The following IDO2 variants were observed in gnomAD, a reference collection of about 807,000 sequenced individuals.
IDO2 encodes indoleamine 2,3-dioxygenase 2.
A neutral mutation model predicts 45.1 loss-of-function variants in IDO2; 46 were observed. The observed-to-expected ratio is 1.02, with a 90% CI of 0.80 to 1.30. The LOEUF is 1.30. Among genes scored for constraint, IDO2 ranks in the 50% most tolerant of loss-of-function variants. IDO2 has a pLI of 0.00. For synonymous variants in IDO2, 218 were observed against 184.9 expected, an observed-to-expected ratio of 1.18 and a Z score of -1.45; for missense variants, 544 against 491.8, an observed-to-expected ratio of 1.11 and a Z score of -1.00.
At chr8:39,954,156 G>C (rs1245212099) in intron 2 of IDO2, among the ~76,000 whole-genome samples, 2 of 152,208 alleles carry the variant, frequency 1.3e-5, no homozygotes, top group African/African-American at 2.4e-5. Context: ...AAAAAGACCA[G>C]TGTAAAAACT....
At chr8:39,975,506 G>A (rs1808246234) in intron 3 of IDO2, among the ~76,000 whole-genome samples, 4 of 152,176 alleles carry the variant, frequency 2.6e-5, no homozygotes, top group African/African-American at 9.7e-5. Context: ...GAAGACACAA[G>A]TTCCCAATAT....
intron 3 of IDO2, among the ~76,000 whole-genome samples, chr8:39,974,785 G>A (rs1808234406): frequency 6.6e-6 from 1 of 152,204 alleles, no homozygotes; most frequent in African/African-American, 2.4e-5. Context: ...GCTGGGCGTG[G>A]TGGCACGCAC....
chr8:39,979,696 T>C (rs1808313407), intron 4 of IDO2, among the ~76,000 whole-genome samples: 1 of 152,218 alleles, frequency 6.6e-6, no homozygotes, highest in Admixed American at 6.5e-5. Context: ...TTAATTTTTC[T>C]GACTAAGAGC....
chr8:39,969,646 G>C (rs1276768185), intron 3 of IDO2, among the ~76,000 whole-genome samples: 1 of 152,198 alleles, frequency 6.6e-6, no homozygotes, highest in Admixed American at 6.5e-5. Flanking sequence ...AAGCCAAGGC[G>C]GGGAGATCAC....
intron 2 of IDO2, among the ~76,000 whole-genome samples, chr8:39,951,434 A>G (rs1422533916): frequency 2.0e-5 from 3 of 152,126 alleles, no homozygotes; most frequent in Admixed American, 6.5e-5. Flanking sequence ...GACGCCTGAC[A>G]TGCAAGACTC....
intron 2 of IDO2, among the ~76,000 whole-genome samples, chr8:39,960,643 A>T (rs1191888580): frequency 2.0e-5 from 3 of 152,240 alleles, no homozygotes; most frequent in African/African-American, 7.2e-5. Context: ...ATGTACATAG[A>T]TAAACTAATA....
chr8:40,006,146 C>T (rs1802216352), intron 9 of IDO2, among the ~76,000 whole-genome samples: 1 of 152,082 alleles, frequency 6.6e-6, no homozygotes. Context: ...ATGGGTAGTC[C>T]CCAACTCAAT....
chr8:40,015,717 T>A, exon 11 of IDO2: 1 of 754,112 alleles, frequency 1.3e-6, no homozygotes. Flanking sequence ...CCTATTCATG[T>A]TTCTGCTCTA....
chr8:39,970,373 ATTTT>A (rs1338536383), intron 3 of IDO2, among the ~76,000 whole-genome samples: 2 of 152,168 alleles, frequency 1.3e-5, no homozygotes, highest in African/African-American at 4.8e-5. Flanking sequence ...GGCTACATTT[ATTTT>A]TTATTTTTGT....
At chr8:40,006,424 T>A (rs1802221856) in intron 9 of IDO2, among the ~76,000 whole-genome samples, 1 of 152,158 alleles carries the variant, frequency 6.6e-6, no homozygotes, top group Admixed American at 6.6e-5. Context: ...ATTAAATGCA[T>A]TTTTTGTCTT....
In IDO2 at chr8:39,947,038, C is replaced by T. The variant is rs145544404; in HGVS notation, c.-17-2111C>T. Among the ~76,000 whole-genome samples, 1,324 of 151,988 alleles carry T rather than the reference C, an allele frequency of 8.7e-3. 3 individuals carry two copies. Among genetic ancestry groups the T allele is most frequent in the Non-Finnish European group, 0.012 (848 of 67,968 alleles). ...TGGCGTGGTGGTGGGTGCCTACAAT[C>T]CCAATTACTTGGGAGACTGAGGCAG... is the stretch of plus-strand genomic sequence containing the variant. On this transcript the variant is annotated intron_variant, in intron 1 of 10. Coordinates refer to ENST00000502986, the Ensembl canonical transcript of IDO2.
chr8:39,935,568 GC>G (rs1352573837), intron 1 of IDO2, among the ~76,000 whole-genome samples: 1 of 152,006 alleles, frequency 6.6e-6, no homozygotes, highest in Non-Finnish European at 1.5e-5. Context: ...TTCTGCCACA[GC>G]CTTCCAAGTA....
At chr8:39,977,666 G>C (rs561472347) in intron 3 of IDO2, among the ~76,000 whole-genome samples, 1 of 152,346 alleles carries the variant, frequency 6.6e-6, no homozygotes, top group African/African-American at 2.4e-5. Flanking sequence ...GGGTAACAGA[G>C]CAAGATCCTG....
At chr8:39,993,493 T>C (rs1801981757) in intron 8 of IDO2, among the ~76,000 whole-genome samples, 1 of 152,204 alleles carries the variant, frequency 6.6e-6, no homozygotes, top group Non-Finnish European at 1.5e-5. Context: ...AAATCAGGTT[T>C]CTTTTTGAGT....
At chr8:39,965,633 C>T (rs1361194775) in intron 3 of IDO2, among the ~76,000 whole-genome samples, 8 of 151,982 alleles carry the variant, frequency 5.3e-5, no homozygotes, top group Admixed American at 1.3e-4. Flanking sequence ...CAGATGTATT[C>T]GAGTTAAGCT....
rs527478089 is a variant in IDO2, at chr8:39,958,435, C to T, written c.100-5173C>T. Among the ~76,000 whole-genome samples the T allele has an allele frequency of 4.1e-4, 62 of 151,208 alleles. 1 individual carries two copies. The highest frequency in any genetic ancestry group is 1.4e-3 in the African/African-American group (58 of 41,144). On this transcript the variant is annotated intron_variant, in intron 2 of 10. Coordinates refer to ENST00000502986, the Ensembl canonical transcript of IDO2. ...TTTTTTGGAGACAGTCTCACTCTGT[C>T]GCCCAGGCTGGAGTGCACTGGCGTG...
At chr8:39,954,561 T>G (rs2729484) in intron 2 of IDO2, among the ~76,000 whole-genome samples, 1 of 151,448 alleles carries the variant, frequency 6.6e-6, no homozygotes, top group African/African-American at 2.4e-5. Flanking sequence ...TCTGATGTCT[T>G]GCTCCTTGGC....
chr8:40,014,928 C>T (rs1031020445), intron 10 of IDO2, among the ~76,000 whole-genome samples: 1 of 152,096 alleles, frequency 6.6e-6, no homozygotes. Flanking sequence ...GCAGGTGGAT[C>T]GCTTGAGCCC....
chr8:39,997,651 C>T (rs1395703244), intron 8 of IDO2, among the ~76,000 whole-genome samples: 3 of 151,960 alleles, frequency 2.0e-5, no homozygotes, highest in Admixed American at 2.0e-4. Flanking sequence ...AGAGTGAGAC[C>T]CTGTCTCAAT....
Sources: allele counts gnomAD v4.1 joint callset (sites outside exome capture counted in the v4.1 genomes callset), GRCh38; gene constraint gnomAD v4.1.1; transcripts MANE v1.5; gene names NCBI Gene and HGNC (gene_info 2026-07-23, HGNC 2026-07-21).